The following JAK1 variants were observed in gnomAD, a reference collection of about 807,000 sequenced individuals.
JAK1 encodes the protein Janus kinase 1.
Under a neutral mutation model 136.6 loss-of-function variants are expected in JAK1, and 16 were observed. That is an observed-to-expected ratio of 0.12 (90% CI 0.08 to 0.18). The LOEUF is 0.18. JAK1 is among the 10% of genes least tolerant of loss of function. The probability of loss-of-function intolerance (pLI) is 1.00; values close to 1 mark genes in which losing one functional copy is unlikely to be tolerated. For missense variants in JAK1, 859 were observed against 1,450.1 expected, an observed-to-expected ratio of 0.59 and a Z score of 6.62; for synonymous variants, 492 against 519.5, an observed-to-expected ratio of 0.95 and a Z score of 0.72.
intron 1 of JAK1, among the ~76,000 whole-genome samples, chr1:64,904,136 T>A (rs1384160891): frequency 6.6e-6 from 1 of 152,196 alleles, no homozygotes; most frequent in African/African-American, 2.4e-5. Flanking sequence ...TTCTTTAATA[T>A]AGAAACAGAT....
chr1:64,986,413 C>G (rs1461277648), intron 2 of JAK1, among the ~76,000 whole-genome samples: 1 of 152,034 alleles, frequency 6.6e-6, no homozygotes, highest in Non-Finnish European at 1.5e-5. Flanking sequence ...GGCCCCTAAT[C>G]TAATTCTTTT....
upstream of JAK1, among the ~76,000 whole-genome samples, chr1:64,968,806 C>T (rs969020008): frequency 3.9e-5 from 6 of 152,074 alleles, no homozygotes; most frequent in African/African-American, 7.2e-5. Flanking sequence ...GTGGCGGGAA[C>T]CTGTAATCTC....
chr1:64,985,843 C>A (rs1328372278), intron 2 of JAK1: 1 of 614,508 alleles, frequency 1.6e-6, no homozygotes, highest in Non-Finnish European at 3.0e-6. Context: ...AAGCTGTTGA[C>A]AAACAGTCCA....
At chr1:64,929,689 A>G (rs1328340752) in intron 1 of JAK1, among the ~76,000 whole-genome samples, 2 of 152,308 alleles carry the variant, frequency 1.3e-5, no homozygotes, top group South Asian at 2.1e-4. Flanking sequence ...GATGATTCTT[A>G]TAAGTTATGA....
At chr1:65,022,343 G>A (rs1646944738) in intron 2 of JAK1, among the ~76,000 whole-genome samples, 1 of 152,056 alleles carries the variant, frequency 6.6e-6, no homozygotes, top group Admixed American at 6.6e-5. Flanking sequence ...AGAAGTCCAT[G>A]CTAGTGAAGC....
chr1:64,999,579 G>GA (rs1187061892), intron 2 of JAK1, among the ~76,000 whole-genome samples: 1 of 151,884 alleles, frequency 6.6e-6, no homozygotes, highest in East Asian at 1.9e-4. Context: ...CTCTACAATA[G>GA]AAAAAATTAA....
At chr1:65,055,602 C>T (rs1240084049) in intron 1 of JAK1, among the ~76,000 whole-genome samples, 1 of 152,114 alleles carries the variant, frequency 6.6e-6, no homozygotes, top group Non-Finnish European at 1.5e-5. Context: ...AAAAATGTAA[C>T]GAATATACCA....
intron 1 of JAK1, among the ~76,000 whole-genome samples, chr1:64,912,996 A>G (rs180777751): frequency 4.9e-4 from 74 of 152,290 alleles, no homozygotes; most frequent in Admixed American, 4.1e-3. Flanking sequence ...TTTAATTGGT[A>G]GGGTGGCCAT....
chr1:64,861,769 C>A (rs751650603), intron 8 of JAK1, among the ~76,000 whole-genome samples: 3 of 152,002 alleles, frequency 2.0e-5, no homozygotes, highest in Admixed American at 6.6e-5. Flanking sequence ...AGGAAGGAGG[C>A]CTGGAGAGGG....
intron 1 of JAK1, among the ~76,000 whole-genome samples, chr1:64,954,919 T>G (rs1201918228): frequency 6.6e-6 from 1 of 152,184 alleles, no homozygotes; most frequent in African/African-American, 2.4e-5. Context: ...AGAAAACACA[T>G]CAATTTTTTT....
intron 1 of JAK1, among the ~76,000 whole-genome samples, chr1:64,963,001 G>C (rs1443531946): frequency 2.0e-5 from 3 of 152,224 alleles, no homozygotes; most frequent in Non-Finnish European, 4.4e-5. Flanking sequence ...GAACCTGGGA[G>C]GCAGAGGTTG....
At chr1:64,915,465 T>C (rs923788062) in intron 1 of JAK1, among the ~76,000 whole-genome samples, 5 of 152,154 alleles carry the variant, frequency 3.3e-5, no homozygotes, top group Admixed American at 1.3e-4. Flanking sequence ...GAAGCACCAG[T>C]AACTGGGGTG....
chr1:65,011,713 G>C (rs1243213407), intron 2 of JAK1, among the ~76,000 whole-genome samples: 1 of 152,210 alleles, frequency 6.6e-6, no homozygotes, highest in Non-Finnish European at 1.5e-5. Flanking sequence ...GATGGAGCAA[G>C]GGTAGGACAT....
chr1:64,921,396 A>G lies in JAK1; in HGVS notation c.-77-35055T>C, dbSNP rs540428145. On this transcript the variant is annotated intron_variant, in intron 1 of 24. Coordinates refer to ENST00000342505, the MANE Select transcript of JAK1 (RefSeq NM_002227.4). ...ACCTAGACTACTGATAACTGAAAGCATAACAACTATCCTTCAGGCTCATAC... is the reference window on the plus strand; with the variant it reads ...ACCTAGACTACTGATAACTGAAAGCGTAACAACTATCCTTCAGGCTCATAC... Among the ~76,000 whole-genome samples the G allele has an allele frequency of 2.6e-5, 4 of 152,312 alleles. No homozygotes were observed. In the South Asian group the frequency reaches 8.3e-4, roughly 32 times the overall value.
intron 2 of JAK1, among the ~76,000 whole-genome samples, chr1:65,021,291 C>A (rs547312317): frequency 2.8e-4 from 43 of 152,280 alleles, no homozygotes; most frequent in Admixed American, 7.9e-4. Flanking sequence ...GGAGAAATGA[C>A]CAAGGGATTT....
At position 64,847,602 on chromosome 1, in the gene JAK1, C is replaced by T; in HGVS notation, c.1829G>A (p.Gly610Glu). 1 of 1,614,076 alleles carries T rather than the reference C, an allele frequency of 6.2e-7. No homozygotes were observed. The highest frequency in any genetic ancestry group is 1.1e-5 in the South Asian group (1 of 91,074). Reference protein sequence around the residue: ...GTLMDYKDDEGTSEEKKIKVI... With the variant: ...GTLMDYKDDEETSEEKKIKVI... ...TTTTATCTTCTTCTCTTCAGAAGTT[C>T]CTTCGTCATCCTTGTAATCCATCAG... Residue 610 changes from glycine (G) to glutamate (E), a missense_variant, in exon 13 of 25, where the codon GGA becomes GAA. Physicochemically the swap from Gly to Glu is moderately conservative, Grantham distance 98 (BLOSUM62 -2). Transcript: ENST00000342505.
chr1:64,862,352 C>T (rs1048944179), intron 8 of JAK1, among the ~76,000 whole-genome samples: 13 of 152,314 alleles, frequency 8.5e-5, no homozygotes, highest in African/African-American at 2.6e-4. Context: ...TTAACCTCTT[C>T]GTGCCTCAGT....
At chr1:64,925,142 A>G (rs1489428206) in intron 1 of JAK1, among the ~76,000 whole-genome samples, 1 of 152,040 alleles carries the variant, frequency 6.6e-6, no homozygotes, top group Non-Finnish European at 1.5e-5. Flanking sequence ...CATGCCTGTA[A>G]TCCCAGCACT....
At chr1:64,841,676 T>C (rs761989727) in intron 17 of JAK1, 75 bp from the exon 18 acceptor site, 21 of 1,483,290 alleles carry the variant, frequency 1.4e-5, no homozygotes, top group Admixed American at 6.9e-5. Flanking sequence ...TCAGGTGGAA[T>C]TGCCAATTCC....
Sources: allele counts gnomAD v4.1 joint callset (sites outside exome capture counted in the v4.1 genomes callset), GRCh38; gene constraint gnomAD v4.1.1; transcripts MANE v1.5; gene names NCBI Gene and HGNC (gene_info 2026-07-23, HGNC 2026-07-21).